SLC5A4: variants seen among roughly 807,000 people sequenced by gnomAD.
SLC5A4 encodes the protein probable glucose sensor protein SLC5A4.
Under a neutral mutation model 70.3 loss-of-function variants are expected in SLC5A4, and 55 were observed. That is an observed-to-expected ratio of 0.78 (90% CI 0.63 to 0.98). The LOEUF (loss-of-function observed/expected upper bound fraction) is 0.98, where lower values mean the gene tolerates loss of function less well. SLC5A4 is among the 50% of genes least tolerant of loss of function. SLC5A4 has a pLI of 0.00. For synonymous variants in SLC5A4, 268 were observed against 305.7 expected, an observed-to-expected ratio of 0.88 and a Z score of 1.29; for missense variants, 735 against 839.2, an observed-to-expected ratio of 0.88 and a Z score of 1.53.
chr22:32,307,283 T>A, the SLC5A4 span, among the ~76,000 whole-genome samples: 1 of 152,202 alleles, frequency 6.6e-6, no homozygotes, highest in Admixed American at 6.5e-5. Flanking sequence ...AAATCTGCTC[T>A]TCATCAAGCA....
chr22:32,253,238 C>T (rs1347748762), intron 2 of SLC5A4, among the ~76,000 whole-genome samples: 2 of 152,332 alleles, frequency 1.3e-5, no homozygotes, highest in Non-Finnish European at 2.9e-5. Flanking sequence ...TGGGCTGACA[C>T]TCTCCAGGTG....
the SLC5A4 span, among the ~76,000 whole-genome samples, chr22:32,280,984 C>T: frequency 3.2e-3 from 480 of 152,278 alleles, 5 homozygotes; most frequent in African/African-American, 0.011. Flanking sequence ...CTCAACAGTT[C>T]TAGAAAACAA....
At chr22:32,326,709 G>A in the SLC5A4 span, among the ~76,000 whole-genome samples, 4 of 152,270 alleles carry the variant, frequency 2.6e-5, no homozygotes, top group East Asian at 1.9e-4. Context: ...ACCTCAATAC[G>A]GAGAAAGAGA....
the SLC5A4 span, among the ~76,000 whole-genome samples, chr22:32,321,811 T>C: frequency 6.6e-6 from 1 of 152,246 alleles, no homozygotes; most frequent in Non-Finnish European, 1.5e-5. Context: ...TTCTTTTTTA[T>C]GGCTGCATAG....
chr22:32,244,113 T>G (rs1420488105), intron 5 of SLC5A4, among the ~76,000 whole-genome samples: 1 of 152,238 alleles, frequency 6.6e-6, no homozygotes, highest in Non-Finnish European at 1.5e-5. Flanking sequence ...GCCAAAAACC[T>G]GTTCTTGATT....
At position 32,229,266 on chromosome 22, in the gene SLC5A4, G is replaced by T. The variant is rs1256996077; in HGVS notation, c.1208C>A (p.Thr403Asn). ...GGTGTAGAGGTCAATGGTGAAGAGG[G>T]TGCTGGCGCTGTTGAAGATGGAGGT... ...SLTSIFNSAS[T>N]LFTIDLYTKM... is the part of the protein sequence containing the mutation. Residue 403 changes from threonine (T) to asparagine (N), a missense_variant, in exon 11 of 15, where the codon ACC (threonine) becomes AAC (asparagine). Physicochemically the swap from Thr to Asn is moderately conservative, Grantham distance 65 (BLOSUM62 0). Coordinates refer to ENST00000266086, the MANE Select transcript of SLC5A4 (RefSeq NM_014227.3). 8.7e-6 allele frequency: 14 copies of T among 1,614,102 alleles called. No individual in the cohort carries two copies. Among genetic ancestry groups the T allele is most frequent in the Non-Finnish European group, 1.2e-5 (14 of 1,180,004 alleles).
chr22:32,320,635 C>A, the SLC5A4 span, among the ~76,000 whole-genome samples: 1 of 152,214 alleles, frequency 6.6e-6, no homozygotes, highest in African/African-American at 2.4e-5. Context: ...ACACGCTGAG[C>A]CCTCTGCCCT....
At chr22:32,322,888 A>G in the SLC5A4 span, among the ~76,000 whole-genome samples, 1 of 152,216 alleles carries the variant, frequency 6.6e-6, no homozygotes, top group African/African-American at 2.4e-5. Context: ...CTGGACCACA[A>G]TGTCAGAATT....
upstream of SLC5A4, among the ~76,000 whole-genome samples, chr22:32,259,208 A>T (rs1927632220): frequency 6.6e-6 from 1 of 152,264 alleles, no homozygotes; most frequent in Non-Finnish European, 1.5e-5. Context: ...GTTAAGGGGT[A>T]AAGTTCATGT....
chr22:32,250,050 T>A (rs1445460058), intron 3 of SLC5A4, among the ~76,000 whole-genome samples: 1 of 152,144 alleles, frequency 6.6e-6, no homozygotes, highest in Non-Finnish European at 1.5e-5. Flanking sequence ...TAGTGGGGAC[T>A]CAGGGAGGAG....
the SLC5A4 span, among the ~76,000 whole-genome samples, chr22:32,317,050 C>CA: frequency 6.7e-6 from 1 of 150,002 alleles, no homozygotes; most frequent in Non-Finnish European, 1.5e-5. Flanking sequence ...AAGTAAATTC[C>CA]AAAAAATAGA....
chr22:32,317,240 G>T, the SLC5A4 span, among the ~76,000 whole-genome samples: 2 of 151,696 alleles, frequency 1.3e-5, no homozygotes, highest in East Asian at 3.9e-4. Context: ...TATATTTAAG[G>T]ACCTGTGGGA....
the SLC5A4 span, chr22:32,270,768 C>T: frequency 2.1e-5 from 13 of 622,498 alleles, no homozygotes; most frequent in South Asian, 4.9e-5. Flanking sequence ...GCAACCCCTG[C>T]GTGGTCATCA....
chr22:32,315,874 A>G, the SLC5A4 span, among the ~76,000 whole-genome samples: 2 of 151,802 alleles, frequency 1.3e-5, no homozygotes, highest in Non-Finnish European at 2.9e-5. Context: ...GTTTCATAGA[A>G]AAGGATGGGC....
chr22:32,323,774 T>C, the SLC5A4 span, among the ~76,000 whole-genome samples: 3 of 152,238 alleles, frequency 2.0e-5, no homozygotes, highest in Admixed American at 2.0e-4. Context: ...TGGAAAACTT[T>C]TACAACGCAG....
At position 32,220,866 on chromosome 22, in the gene SLC5A4, A is replaced by G; in HGVS notation, c.1768+54T>C. The G allele has an allele frequency of 2.7e-6, 3 of 1,118,262 alleles. No homozygotes were observed. In the South Asian group the frequency reaches 3.7e-5, roughly 14 times the overall value. 69.3% of individuals were successfully genotyped at this position (1,118,262 alleles called of 1,614,324 possible). On this transcript the variant is annotated intron_variant, in intron 14 of 14. Coordinates refer to ENST00000266086, the MANE Select transcript of SLC5A4 (RefSeq NM_014227.3). Reference sequence around the variant, plus strand: ...TAATGACATTAAAAGAAAACCATAAACAAGCCTGTGCACAGAGTTCCTACA... The same window carrying G: ...TAATGACATTAAAAGAAAACCATAAGCAAGCCTGTGCACAGAGTTCCTACA...
At chr22:32,344,943 A>C in the SLC5A4 span, among the ~76,000 whole-genome samples, 1 of 152,184 alleles carries the variant, frequency 6.6e-6, no homozygotes, top group Non-Finnish European at 1.5e-5. Flanking sequence ...AAGTATATGA[A>C]AATGTTTGTG....
chr22:32,241,092 T>A (rs1010287125), intron 5 of SLC5A4, among the ~76,000 whole-genome samples: 1 of 152,226 alleles, frequency 6.6e-6, no homozygotes, highest in South Asian at 2.1e-4. Context: ...AAGACCTGCA[T>A]GGCAGCAAGA....
the SLC5A4 span, among the ~76,000 whole-genome samples, chr22:32,331,809 C>CG: frequency 2.0e-5 from 3 of 152,022 alleles, no homozygotes; most frequent in Non-Finnish European, 4.4e-5. Flanking sequence ...GATCCTCTCG[C>CG]GGCTTCCAGA....
Sources: allele counts gnomAD v4.1 joint callset (sites outside exome capture counted in the v4.1 genomes callset), GRCh38; gene constraint gnomAD v4.1.1; transcripts MANE v1.5; gene names NCBI Gene and HGNC (gene_info 2026-07-23, HGNC 2026-07-21).